Variants in DNAI7 observed in about 807,000 individuals in gnomAD.
DNAI7 encodes the protein cancer susceptibility 1.
DNAI7 carries 78 observed loss-of-function variants against 86.6 expected under a neutral mutation model. The observed-to-expected ratio is 0.90, with a 90% CI of 0.75 to 1.09. DNAI7 has a LOEUF of 1.09. DNAI7 is among the 50% of genes least tolerant of loss of function. The pLI, the probability that DNAI7 is intolerant of heterozygous loss-of-function variation, is 0.00. For missense variants in DNAI7, 753 were observed against 810.2 expected (o/e 0.93, Z 0.86); for synonymous variants, 274 against 273.0 (o/e 1.00, Z -0.04).
At chr12:25,120,291 G>A (rs1474969557) in intron 11 of DNAI7, among the ~76,000 whole-genome samples, 2 of 116,318 alleles carry the variant, frequency 1.7e-5, no homozygotes, top group Non-Finnish European at 3.7e-5. Flanking sequence ...GAGAGAGGGT[G>A]AGAAGAGAGA....
chr12:25,182,931 A>T (rs1006664349), intron 2 of DNAI7, among the ~76,000 whole-genome samples: 1 of 151,322 alleles, frequency 6.6e-6, no homozygotes, highest in African/African-American at 2.4e-5. Context: ...AAGGAAAGAA[A>T]GGAATGAAAG....
In DNAI7 at chr12:25,119,037, T is replaced by C. The variant is rs948494817; in HGVS notation, c.1396+108A>G. The C allele has an allele frequency of 5.9e-6, 5 of 853,532 alleles. No individual in the cohort carries two copies. The South Asian group carries it at 9.6e-5, about 16-fold the overall frequency. 52.9% of individuals were successfully genotyped at this position (853,532 alleles called of 1,614,324 possible). On this transcript the variant is annotated intron_variant, in intron 12 of 15. Coordinates refer to ENST00000395987, the MANE Select transcript of DNAI7 (RefSeq NM_018272.5). ...ACAAAACAAGACCCTTGAATTGGCA[T>C]AGAAATATGTAAGATAGTAAGCTCA...
rs749133134 is a variant in DNAI7 at position 25,155,413 on chromosome 12, C to G, written c.199-1G>C. 3 of 1,545,692 alleles carry G rather than the reference C, an allele frequency of 1.9e-6. No homozygotes were observed. The African/African-American group carries it at 4.1e-5, about 21-fold the overall frequency. On this transcript the variant is annotated splice_acceptor_variant, in intron 4 of 15. Coordinates refer to ENST00000395987, the MANE Select transcript of DNAI7 (RefSeq NM_018272.5). LOFTEE classifies it high-confidence loss of function. ...GTTCTTCATTTCTCCTTTCTAGATCCTGTTGCACAAGGACAGATACATTGA... is the reference window on the plus strand; with the variant it reads ...GTTCTTCATTTCTCCTTTCTAGATCGTGTTGCACAAGGACAGATACATTGA...
chr12:25,163,647 CA>C (rs752043096), intron 2 of DNAI7, among the ~76,000 whole-genome samples: 16 of 152,190 alleles, frequency 1.1e-4, no homozygotes, highest in Admixed American at 6.5e-5. Flanking sequence ...TGACTTGGAT[CA>C]GGGGACCTCC....
intron 6 of DNAI7, among the ~76,000 whole-genome samples, chr12:25,153,416 G>A (rs183969466): frequency 1.4e-4 from 21 of 152,160 alleles, no homozygotes; most frequent in East Asian, 9.6e-4. Flanking sequence ...GCGAGATGCC[G>A]TCTCAAAAAA....
At chr12:25,142,832 C>T (rs1475593077) in intron 9 of DNAI7, among the ~76,000 whole-genome samples, 1 of 151,954 alleles carries the variant, frequency 6.6e-6, no homozygotes, top group Non-Finnish European at 1.5e-5. Context: ...ATTTTTTTCC[C>T]CCTTGGAAAT....
intron 2 of DNAI7, among the ~76,000 whole-genome samples, chr12:25,178,038 G>C (rs1309729245): frequency 6.6e-6 from 1 of 152,032 alleles, no homozygotes; most frequent in Non-Finnish European, 1.5e-5. Flanking sequence ...GTAACATTTT[G>C]TTTAGGATTT....
intron 12 of DNAI7, among the ~76,000 whole-genome samples, chr12:25,117,286 G>T (rs1384434754): frequency 6.6e-6 from 1 of 152,046 alleles, no homozygotes; most frequent in Admixed American, 6.6e-5. Flanking sequence ...ACATCTTGTA[G>T]GTCTGTCTAT....
At chr12:25,174,749 C>A (rs375543447) in intron 2 of DNAI7, among the ~76,000 whole-genome samples, 1 of 138,670 alleles carries the variant, frequency 7.2e-6, no homozygotes, top group African/African-American at 2.7e-5. Flanking sequence ...ATATATATAT[C>A]ATATATATAT....
At chr12:25,169,847 CAA>C (rs1173396136) in intron 2 of DNAI7, among the ~76,000 whole-genome samples, 10 of 66,672 alleles carry the variant, frequency 1.5e-4, no homozygotes, top group Non-Finnish European at 1.9e-4. Context: ...GACTCTGTCT[CAA>C]AAAAAAAAAA....
In DNAI7 at chr12:25,120,379, T is replaced by C. The variant is rs1784443009; in HGVS notation, c.1240-1078A>G. 2.2e-5 allele frequency among the ~76,000 whole-genome samples: 3 copies of C among 138,302 alleles called. No individual in the cohort carries two copies. The Admixed American group carries it at 2.3e-4, about 11-fold the overall frequency. 90.7% of individuals were successfully genotyped at this position (138,302 alleles called of 152,430 possible). A position where few individuals can be genotyped will look rare whatever the true frequency, so the allele number is the denominator to read the frequency against. On this transcript the variant is annotated intron_variant, in intron 11 of 15. Coordinates refer to ENST00000395987, the MANE Select transcript of DNAI7 (RefSeq NM_018272.5). ...CAGCCTATGACAACATAACTGGGTA[T>C]ATATGGTAGTATTCTATGGGAAGCA...
intron 7 of DNAI7, among the ~76,000 whole-genome samples, chr12:25,149,095 C>T (rs1340023620): frequency 2.6e-5 from 4 of 152,006 alleles, no homozygotes; most frequent in African/African-American, 9.7e-5. Context: ...AAGCGATGCT[C>T]CCACCTCAAG....
intron 14 of DNAI7, 108 bp from the exon 15 acceptor site, chr12:25,110,348 T>C (rs1949718206): frequency 3.0e-6 from 2 of 666,308 alleles, no homozygotes; most frequent in African/African-American, 1.8e-5. Context: ...CCACTTAAAA[T>C]TGTAAGTCAG....
intron 15 of DNAI7, among the ~76,000 whole-genome samples, chr12:25,109,331 C>T (rs1008899696): frequency 1.3e-5 from 2 of 152,174 alleles, no homozygotes; most frequent in Non-Finnish European, 2.9e-5. Flanking sequence ...GGAGGACTAA[C>T]CCTCTCAGAG....
In DNAI7 at chr12:25,139,362, G is replaced by A. The variant is rs554379288; in HGVS notation, c.1002+5003C>T. On this transcript the variant is annotated intron_variant, in intron 9 of 15. Coordinates refer to ENST00000395987, the MANE Select transcript of DNAI7 (RefSeq NM_018272.5). ...GGGAATCCTTCCTAAATCGTTCCAC[G>A]GAGCCAGTATCACCCTAATACCAAA... is the stretch of plus-strand genomic sequence containing the variant. Among the ~76,000 whole-genome samples the A allele has an allele frequency of 4.6e-5, 7 of 152,210 alleles. No homozygotes were observed. In the East Asian group the frequency reaches 5.8e-4, roughly 13 times the overall value.
At chr12:25,120,864 G>A (rs896097236) in intron 11 of DNAI7, among the ~76,000 whole-genome samples, 5 of 152,240 alleles carry the variant, frequency 3.3e-5, no homozygotes, top group African/African-American at 4.8e-5. Flanking sequence ...GGCATCAGCA[G>A]CATTGGCATC....
rs1356565391 is a variant in DNAI7, at chr12:25,161,165, A to G, written c.54T>C (p.Ala18=). The G allele has an allele frequency of 6.2e-7, 1 of 1,613,908 alleles. No individual in the cohort carries two copies. Residue 18 remains alanine (A), a synonymous_variant, in exon 3 of 16, where the codon GCT becomes GCC. Transcript: ENST00000395987. ...SGSKKKKVTK[A]ERLKLLQEEE... ...CCTCTTGTAGCAGCTTCAATCGTTC[A>G]GCTTTGGTGACTTTCTTTTTCTTAC...
intron 9 of DNAI7, among the ~76,000 whole-genome samples, chr12:25,135,173 A>G (rs1943396484): frequency 6.6e-6 from 1 of 152,308 alleles, no homozygotes; most frequent in East Asian, 1.9e-4. Context: ...AGGGGGGATA[A>G]TCTGCCTCCA....
chr12:25,168,968 T>G (rs113987473), intron 2 of DNAI7, among the ~76,000 whole-genome samples: 6 of 152,280 alleles, frequency 3.9e-5, no homozygotes, highest in African/African-American at 1.4e-4. Context: ...TAGGTTCCCA[T>G]GCTGCCCCTA....
Sources: gnomAD v4.1 joint callset for allele counts (sites outside exome capture counted in the v4.1 genomes callset) on GRCh38, gnomAD v4.1.1 for gene constraint, MANE v1.5 for transcripts, NCBI Gene and HGNC (gene_info 2026-07-23, HGNC 2026-07-21) for gene names.